The following ATP9A variants were observed in gnomAD, a reference collection of about 807,000 sequenced individuals.
The protein encoded by ATP9A is probable phospholipid-transporting ATPase IIA.
In ATP9A, 52 loss-of-function variants were observed where a neutral mutation model predicts 144.1. The ratio of observed to expected loss-of-function variants is 0.36; its 90% confidence interval spans 0.29 to 0.45. The LOEUF (loss-of-function observed/expected upper bound fraction) is 0.45, where lower values mean the gene tolerates loss of function less well. ATP9A is among the 20% of genes least tolerant of loss of function. ATP9A has a pLI of 1.00. For missense variants in ATP9A, 947 were observed against 1,392.7 expected (o/e 0.68, Z 5.09); for synonymous variants, 582 against 557.4 (o/e 1.04, Z -0.62).
chr20:51,696,907 T>G (rs953476227), intron 5 of ATP9A, among the ~76,000 whole-genome samples: 3 of 152,200 alleles, frequency 2.0e-5, no homozygotes, highest in African/African-American at 7.2e-5. Context: ...ACATGAGTGT[T>G]TGCTAAAGTA....
In ATP9A at chr20:51,603,938, G is replaced by A. The variant is rs1304183177; in HGVS notation, c.3007+879C>T. 5.3e-5 allele frequency among the ~76,000 whole-genome samples: 8 copies of A among 152,008 alleles called. No homozygotes were observed. In the East Asian group the frequency reaches 7.7e-4, roughly 15 times the overall value. On this transcript the variant is annotated intron_variant, in intron 27 of 27. Coordinates refer to ENST00000338821, the MANE Select transcript of ATP9A (RefSeq NM_006045.3). ...TGGGACTACAGGTGTGTGCCACCAC[G>A]CCCTGCTGATTTTTGTATTTTTAGT... is the stretch of plus-strand genomic sequence containing the variant.
chr20:51,699,426 A>C (rs1285948908), intron 4 of ATP9A, among the ~76,000 whole-genome samples: 2 of 151,612 alleles, frequency 1.3e-5, no homozygotes, highest in African/African-American at 4.8e-5. Context: ...CACATATTTT[A>C]CATTTTAACA....
At chr20:51,616,578 C>T (rs2122717750) in intron 22 of ATP9A, among the ~76,000 whole-genome samples, 1 of 152,292 alleles carries the variant, frequency 6.6e-6, no homozygotes, top group East Asian at 1.9e-4. Flanking sequence ...CTCAGCCTCC[C>T]AAACTGCTGG....
chr20:51,645,724 G>A (rs2077339639), intron 14 of ATP9A, among the ~76,000 whole-genome samples: 1 of 152,168 alleles, frequency 6.6e-6, no homozygotes, highest in Admixed American at 6.6e-5. Flanking sequence ...GGGAGGACCA[G>A]TTTAGAAGTG....
chr20:51,725,989 G>T, intron 2 of ATP9A, 57 bp from the exon 3 acceptor site: 1 of 1,046,820 alleles, frequency 9.6e-7, no homozygotes, highest in South Asian at 1.3e-5. Flanking sequence ...ATGAGATCTG[G>T]AACATTTGGT....
At position 51,608,572 on chromosome 20, in the gene ATP9A, ATC is replaced by A. The variant is rs1455474666; in HGVS notation, c.2689_2690del (p.Asp897CysfsTer11). On this transcript the variant is annotated frameshift_variant, in exon 25 of 28. Transcript: ENST00000338821. LOFTEE classifies it high-confidence loss of function. The stretch of plus-strand genomic sequence containing the variant: ...ACAGCATGGCAACTTCCGATTTGAC[ATC>A]TTTGTCCAGGACCAGAGAAAACACA... ...FPVFSLVLDKDVKSEVAMLYP... is the reference protein window; with the variant it reads ...FPVFSLVLDKXVKSEVAMLYP... The A allele has an allele frequency of 1.2e-6, 2 of 1,613,806 alleles. No homozygotes were observed. The highest frequency in any genetic ancestry group is 1.7e-6 in the Non-Finnish European group (2 of 1,179,764).
chr20:51,725,288 A>G (rs377228765), intron 3 of ATP9A, among the ~76,000 whole-genome samples: 1 of 151,796 alleles, frequency 6.6e-6, no homozygotes, highest in East Asian at 1.9e-4. Context: ...ACACCCCACT[A>G]ATTTTTATAT....
rs887930183 is a variant in ATP9A at position 51,690,276 on chromosome 20, T to C, written c.723+463A>G. On this transcript the variant is annotated intron_variant, in intron 8 of 27. Coordinates refer to ENST00000338821, the MANE Select transcript of ATP9A (RefSeq NM_006045.3). Reference sequence around the variant, plus strand: ...TCTACTAAAAATACAAAAAATTAGCTGGGCGCAGTGGCGGGCGCCTGTAAT... The same window carrying C: ...TCTACTAAAAATACAAAAAATTAGCCGGGCGCAGTGGCGGGCGCCTGTAAT... Among the ~76,000 whole-genome samples, 18 of 151,630 alleles carry C rather than the reference T, an allele frequency of 1.2e-4. No homozygotes were observed. The South Asian group carries it at 1.3e-3, about 11-fold the overall frequency.
Position 51,735,088 on chromosome 20 carries a change from G to T in ATP9A, c.69-5110C>A, listed in dbSNP as rs576594950. ...AGTAGAGATCTCCATCTGCAAACAT[G>T]AGGACAGAAGGATTGGTATGACCTC... On this transcript the variant is annotated intron_variant, in intron 1 of 27. Coordinates refer to ENST00000338821, the MANE Select transcript of ATP9A (RefSeq NM_006045.3). 9.1e-4 allele frequency: 163 copies of T among 178,324 alleles called. 1 individual carries two copies. The highest frequency in any genetic ancestry group is 1.7e-3 in the Non-Finnish European group (138 of 81,796). 11.0% of individuals were successfully genotyped at this position (178,324 alleles called of 1,614,324 possible). A position where few individuals can be genotyped will look rare whatever the true frequency, so the allele number is the denominator to read the frequency against.
intron 14 of ATP9A, among the ~76,000 whole-genome samples, chr20:51,649,400 A>C (rs1256985859): frequency 6.6e-6 from 1 of 152,154 alleles, no homozygotes; most frequent in African/African-American, 2.4e-5. Context: ...CTTACACTTC[A>C]TCTACAAAAT....
chr20:51,727,984 A>G (rs1301043099), intron 2 of ATP9A, among the ~76,000 whole-genome samples: 1 of 151,732 alleles, frequency 6.6e-6, no homozygotes, highest in East Asian at 1.9e-4. Context: ...ATAAAATAAC[A>G]CAGTCAAATC....
chr20:51,721,304 G>A (rs2077687948), intron 3 of ATP9A, among the ~76,000 whole-genome samples: 1 of 152,080 alleles, frequency 6.6e-6, no homozygotes, highest in South Asian at 2.1e-4. Context: ...TCTTTTTTAT[G>A]TTTACAACTT....
chr20:51,667,621 C>T (rs913657503), intron 13 of ATP9A, among the ~76,000 whole-genome samples: 3 of 152,100 alleles, frequency 2.0e-5, no homozygotes, highest in African/African-American at 7.2e-5. Context: ...TCAGACTCCA[C>T]CACAGAGCTG....
At chr20:51,730,069 C>T in intron 1 of ATP9A, 91 bp from the exon 2 acceptor site, 2 of 1,330,508 alleles carry the variant, frequency 1.5e-6, no homozygotes, top group Admixed American at 5.8e-5. Flanking sequence ...CTTTTCTCTA[C>T]AGCATCTTCT....
chr20:51,629,169 T>C, intron 15 of ATP9A, 97 bp from the exon 16 acceptor site: 1 of 890,498 alleles, frequency 1.1e-6, no homozygotes, highest in South Asian at 1.9e-5. Context: ...CAAAGTGCAC[T>C]TAACAGACAC....
rs373577250 is a variant in ATP9A, at chr20:51,616,882, G to A, written c.2415+608C>T. 7.9e-5 allele frequency among the ~76,000 whole-genome samples: 12 copies of A among 151,922 alleles called. No individual in the cohort carries two copies. In the East Asian group the frequency reaches 1.2e-3, roughly 15 times the overall value. On this transcript the variant is annotated intron_variant, in intron 22 of 27. Coordinates refer to ENST00000338821, the MANE Select transcript of ATP9A (RefSeq NM_006045.3). ...GATAACTAATGCTTTTACTGACAAC[G>A]CTGACTGTCCCAGAGAAGTCTGAAG...
chr20:51,608,027 A>G (rs928696290), intron 25 of ATP9A, among the ~76,000 whole-genome samples: 4 of 149,632 alleles, frequency 2.7e-5, no homozygotes, highest in African/African-American at 9.8e-5. Flanking sequence ...GTGGGTGACA[A>G]AGTGAGAATT....
chr20:51,752,814 T>C (rs2077838206), intron 1 of ATP9A, among the ~76,000 whole-genome samples: 1 of 152,124 alleles, frequency 6.6e-6, no homozygotes, highest in Admixed American at 6.6e-5. Flanking sequence ...ATGAAAACAT[T>C]ACCTGTGGCC....
chr20:51,703,166 AC>A (rs1421766214), intron 4 of ATP9A, among the ~76,000 whole-genome samples: 1 of 152,064 alleles, frequency 6.6e-6, no homozygotes, highest in Non-Finnish European at 1.5e-5. Flanking sequence ...TTTTTGAACA[AC>A]CCCACCTCCC....
Sources: allele counts gnomAD v4.1 joint callset (sites outside exome capture counted in the v4.1 genomes callset), GRCh38; gene constraint gnomAD v4.1.1; transcripts MANE v1.5; gene names NCBI Gene and HGNC (gene_info 2026-07-23, HGNC 2026-07-21).